NBEA: variants seen among roughly 807,000 people sequenced by gnomAD.
The protein encoded by NBEA is lysosomal-trafficking regulator 2.
In NBEA, 44 loss-of-function variants were observed where a neutral mutation model predicts 343.4. The observed-to-expected ratio is 0.13, with a 90% CI of 0.10 to 0.16. The LOEUF (loss-of-function observed/expected upper bound fraction) is 0.16, where lower values mean the gene tolerates loss of function less well. Ranked by LOEUF, NBEA falls within the 10% of genes least tolerant of loss-of-function variation. The pLI, the probability that NBEA is intolerant of heterozygous loss-of-function variation, is 1.00. For synonymous variants in NBEA, 1,175 were observed against 1,238.7 expected, an observed-to-expected ratio of 0.95 and a Z score of 1.08; for missense variants, 2,555 against 3,631.3, an observed-to-expected ratio of 0.70 and a Z score of 7.62.
intron 44 of NBEA, among the ~76,000 whole-genome samples, chr13:35,561,929 A>T (rs73498949): frequency 0.037 from 5,629 of 152,184 alleles, 374 homozygotes; most frequent in African/African-American, 0.13. Context: ...AAATTTAATG[A>T]ATGTTCATTA....
chr13:35,144,049 AT>A, intron 18 of NBEA, among the ~76,000 whole-genome samples: 1 of 152,176 alleles, frequency 6.6e-6, no homozygotes, highest in East Asian at 1.9e-4. Context: ...GAAAAAGTGT[AT>A]TTTGGGATGT....
At position 35,613,357 on chromosome 13, in the gene NBEA, G is replaced by C. The variant is rs1490010846; in HGVS notation, c.7449+6779G>C. Among the ~76,000 whole-genome samples the C allele has an allele frequency of 3.3e-5, 5 of 150,866 alleles. No individual in the cohort carries two copies. The East Asian group carries it at 9.8e-4, about 29-fold the overall frequency. The stretch of plus-strand genomic sequence containing the variant: ...CATAATATCCTCCAGGTTCATCCAT[G>C]TTGCCACAAATGACAGAATTTCCTG... On this transcript the variant is annotated intron_variant, in intron 48 of 58. Transcript: ENST00000379939.
rs550775048 is a variant in NBEA at position 35,276,957 on chromosome 13, T to C, written c.5777-13432T>C. The stretch of plus-strand genomic sequence containing the variant: ...TACATTACATATTTAAAGAAAACTT[T>C]AGAGAACGGTTTACTTTTTCCTTCT... On this transcript the variant is annotated intron_variant, in intron 34 of 58. Transcript: ENST00000379939. Among the ~76,000 whole-genome samples, 4 of 152,318 alleles carry C rather than the reference T, an allele frequency of 2.6e-5. No individual in the cohort carries two copies. In the South Asian group the frequency reaches 8.3e-4, roughly 32 times the overall value.
rs191716420 is a variant in NBEA at position 35,243,394 on chromosome 13, A to G, written c.5776+10775A>G. Among the ~76,000 whole-genome samples, 8 of 152,044 alleles carry G rather than the reference A, an allele frequency of 5.3e-5. No homozygotes were observed. In the East Asian group the frequency reaches 1.5e-3, roughly 29 times the overall value. On this transcript the variant is annotated intron_variant, in intron 34 of 58. Coordinates refer to ENST00000379939, the MANE Select transcript of NBEA (RefSeq NM_001385012.1). ...AATGACATACAGAAAACAACAAATT[A>G]AAATAGTTCTTCCTCTTTCAGTAAT...
chr13:35,026,031 A>G (rs536239811), intron 1 of NBEA, among the ~76,000 whole-genome samples: 3 of 152,156 alleles, frequency 2.0e-5, no homozygotes, highest in African/African-American at 4.8e-5. Flanking sequence ...CTTGAATTGT[A>G]ATAATCTCCA....
chr13:35,539,915 CAAAAAAA>C lies in NBEA; in HGVS notation c.6586-10541_6586-10535del, dbSNP rs71081262. 1.1e-3 allele frequency among the ~76,000 whole-genome samples: 42 copies of C among 39,610 alleles called. 1 individual carries two copies. The highest frequency in any genetic ancestry group is 8.3e-3 in the East Asian group (20 of 2,424). 26.0% of individuals were successfully genotyped at this position (39,610 alleles called of 152,430 possible). A position where few individuals can be genotyped will look rare whatever the true frequency, so the allele number is the denominator to read the frequency against. ...TGGGCGACAGAGCAAGACTCCGTCT[CAAAAAAA>C]AAAAAAAAAAAAAAAAAAAAGTGCA... On this transcript the variant is annotated intron_variant, in intron 41 of 58. Coordinates refer to ENST00000379939, the MANE Select transcript of NBEA (RefSeq NM_001385012.1).
At chr13:35,344,589 C>T (rs1484519811) in intron 36 of NBEA, among the ~76,000 whole-genome samples, 3 of 151,622 alleles carry the variant, frequency 2.0e-5, no homozygotes, top group Non-Finnish European at 2.9e-5. Context: ...ATAATTATAA[C>T]CAAAACTAAT....
At chr13:35,034,182 T>A (rs1406943968) in intron 1 of NBEA, among the ~76,000 whole-genome samples, 1 of 151,984 alleles carries the variant, frequency 6.6e-6, no homozygotes, top group Non-Finnish European at 1.5e-5. Flanking sequence ...TTGAGGTATG[T>A]TCCCTCTGTC....
intron 17 of NBEA, among the ~76,000 whole-genome samples, chr13:35,133,363 A>T (rs867151722): frequency 6.6e-6 from 1 of 152,104 alleles, no homozygotes; most frequent in Non-Finnish European, 1.5e-5. Flanking sequence ...TTGACAAAGG[A>T]TGTACATCAG....
chr13:35,102,209 A>C (rs879858088), intron 11 of NBEA, among the ~76,000 whole-genome samples: 2 of 151,814 alleles, frequency 1.3e-5, no homozygotes, highest in Non-Finnish European at 3.0e-5. Context: ...TTTTGAAAAG[A>C]TGATTTCCCA....
At chr13:35,262,355 T>C (rs1268211785) in intron 34 of NBEA, among the ~76,000 whole-genome samples, 1 of 152,254 alleles carries the variant, frequency 6.6e-6, no homozygotes, top group Non-Finnish European at 1.5e-5. Context: ...ATGAAACTTA[T>C]GTTCACACAA....
chr13:35,309,918 G>A (rs1380428152), intron 36 of NBEA, among the ~76,000 whole-genome samples: 1 of 152,110 alleles, frequency 6.6e-6, no homozygotes, highest in Non-Finnish European at 1.5e-5. Flanking sequence ...TGTTTTCAGA[G>A]CAGTGCTCAG....
intron 1 of NBEA, among the ~76,000 whole-genome samples, chr13:35,018,554 A>G (rs1405979988): frequency 6.6e-6 from 1 of 152,146 alleles, no homozygotes; most frequent in South Asian, 2.1e-4. Flanking sequence ...CTTTGCCAGT[A>G]TAAATAAATG....
At chr13:35,540,612 G>A (rs1236172024) in intron 41 of NBEA, among the ~76,000 whole-genome samples, 2 of 152,120 alleles carry the variant, frequency 1.3e-5, no homozygotes, top group Non-Finnish European at 2.9e-5. Flanking sequence ...GTTTGAAGAT[G>A]AAGTAGACAC....
chr13:35,165,414 A>T (rs1213111382), intron 24 of NBEA, among the ~76,000 whole-genome samples: 2 of 152,204 alleles, frequency 1.3e-5, no homozygotes, highest in Non-Finnish European at 2.9e-5. Flanking sequence ...AAAGGGAAGC[A>T]TTCCAGTTCA....
chr13:35,259,606 AATCT>A, intron 34 of NBEA, among the ~76,000 whole-genome samples: 1 of 149,314 alleles, frequency 6.7e-6, no homozygotes, highest in East Asian at 1.9e-4. Flanking sequence ...AAAACTTATC[AATCT>A]AAAATCAATC....
At chr13:35,276,890 G>T (rs150754863) in intron 34 of NBEA, among the ~76,000 whole-genome samples, 1 of 151,952 alleles carries the variant, frequency 6.6e-6, no homozygotes, top group East Asian at 1.9e-4. Flanking sequence ...GATTCTTTTT[G>T]AATATAAAAT....
At chr13:35,504,409 C>T (rs1394147402) in intron 41 of NBEA, among the ~76,000 whole-genome samples, 1 of 152,116 alleles carries the variant, frequency 6.6e-6, no homozygotes, top group Non-Finnish European at 1.5e-5. Context: ...GTAACACCTA[C>T]CTGTTTAGAT....
intron 48 of NBEA, among the ~76,000 whole-genome samples, chr13:35,625,755 T>G (rs775001412): frequency 6.6e-6 from 1 of 152,062 alleles, no homozygotes; most frequent in Non-Finnish European, 1.5e-5. Flanking sequence ...ACAAGCATAT[T>G]AAAAAGATGT....
Sources: allele counts gnomAD v4.1 joint callset (sites outside exome capture counted in the v4.1 genomes callset), GRCh38; gene constraint gnomAD v4.1.1; transcripts MANE v1.5; gene names NCBI Gene and HGNC (gene_info 2026-07-23, HGNC 2026-07-21).